The following SRGAP3 variants were observed in gnomAD, a reference collection of about 807,000 sequenced individuals.
SRGAP3 encodes SLIT-ROBO Rho GTPase-activating protein 3.
SRGAP3 carries 39 observed loss-of-function variants against 121.1 expected under a neutral mutation model. The observed-to-expected ratio is 0.32, with a 90% CI of 0.25 to 0.42. The LOEUF (loss-of-function observed/expected upper bound fraction) is 0.42. SRGAP3 is among the 10% of genes least tolerant of loss of function. SRGAP3 has a pLI of 1.00. For synonymous variants in SRGAP3, 601 were observed against 570.0 expected (o/e 1.05, Z -0.77); for missense variants, 1,213 against 1,470.6 (o/e 0.82, Z 2.86).
intron 3 of SRGAP3, among the ~76,000 whole-genome samples, chr3:9,093,436 C>T (rs1947835801): frequency 1.3e-5 from 2 of 152,162 alleles, no homozygotes; most frequent in South Asian, 4.2e-4. Flanking sequence ...TATCCATCAA[C>T]CTACCCATGC....
chr3:9,226,080 T>A (rs1952978694), intron 1 of SRGAP3, among the ~76,000 whole-genome samples: 2 of 152,030 alleles, frequency 1.3e-5, no homozygotes, highest in South Asian at 2.1e-4. Flanking sequence ...TAAAAAAAAA[T>A]TACCAGTAAT....
At chr3:9,015,556 A>G in intron 15 of SRGAP3, 41 bp downstream of exon 15, 1 of 1,612,454 alleles carries the variant, frequency 6.2e-7, no homozygotes, top group Non-Finnish European at 8.5e-7. Context: ...TCCAACAATG[A>G]TTTGTCAAAA....
intron 14 of SRGAP3, among the ~76,000 whole-genome samples, chr3:9,022,678 G>A (rs1943986834): frequency 6.6e-6 from 1 of 152,148 alleles, no homozygotes; most frequent in Non-Finnish European, 1.5e-5. Context: ...GAAAATCCAG[G>A]AAAGGATTTT....
chr3:9,140,382 G>A (rs777213912), intron 1 of SRGAP3, among the ~76,000 whole-genome samples: 35 of 152,130 alleles, frequency 2.3e-4, no homozygotes, highest in Middle Eastern at 3.2e-3. Context: ...AGGATGTAGG[G>A]TTTAGTCCTC....
intron 11 of SRGAP3, chr3:9,037,770 G>C (rs1331737880): frequency 3.8e-6 from 2 of 520,080 alleles, no homozygotes. Context: ...ACTCTGAGTA[G>C]ACAATACTGT....
rs372381347 is a variant in SRGAP3 at position 9,104,727 on chromosome 3, C to A, written c.376G>T (p.Val126Phe). The A allele has an allele frequency of 6.2e-7, 1 of 1,614,190 alleles. No homozygotes were observed. The highest frequency in any genetic ancestry group is 1.6e-4 in the Middle Eastern group (1 of 6,062). Residue 126 changes from valine (V) to phenylalanine (F), a missense_variant, in exon 3 of 22, where the codon GTC (valine) becomes TTC (phenylalanine). This residue lies in a region of SRGAP3 where 793 missense variants were observed against 1,032.9 expected (regional missense o/e 0.77). Coordinates refer to ENST00000383836, the MANE Select transcript of SRGAP3 (RefSeq NM_014850.4). ...TCCTCACTGATCTGGGAGAGGCGGA[C>A]GATGACATTGTTCATGAAGATGTCA... ...LNDIFMNNVI[V>F]RLSQISEDVI...
intron 1 of SRGAP3, among the ~76,000 whole-genome samples, chr3:9,333,137 T>A (rs561854079): frequency 6.6e-6 from 1 of 152,342 alleles, no homozygotes; most frequent in South Asian, 2.1e-4. Context: ...TAGTCTACTT[T>A]TTAAAGCTTG....
intron 10 of SRGAP3, among the ~76,000 whole-genome samples, chr3:9,044,938 T>C (rs926694815): frequency 6.6e-6 from 1 of 152,184 alleles, no homozygotes; most frequent in Non-Finnish European, 1.5e-5. Flanking sequence ...TGTATCTTTA[T>C]CGTGTAGTGG....
chr3:9,130,890 G>A (rs1322243160), intron 1 of SRGAP3, among the ~76,000 whole-genome samples: 1 of 152,212 alleles, frequency 6.6e-6, no homozygotes, highest in Non-Finnish European at 1.5e-5. Flanking sequence ...CAGACGATTT[G>A]GAAAGAGCAG....
intron 1 of SRGAP3, among the ~76,000 whole-genome samples, chr3:9,188,444 T>C (rs956534789): frequency 6.6e-6 from 1 of 152,206 alleles, no homozygotes; most frequent in African/African-American, 2.4e-5. Context: ...CTTTTCATTT[T>C]CTAGATGAGG....
At chr3:9,227,790 C>A (rs1326291368) in intron 1 of SRGAP3, among the ~76,000 whole-genome samples, 1 of 152,230 alleles carries the variant, frequency 6.6e-6, no homozygotes, top group Non-Finnish European at 1.5e-5. Flanking sequence ...CTCCCTCATT[C>A]CCCTCAGGGG....
intron 1 of SRGAP3, among the ~76,000 whole-genome samples, chr3:9,352,420 C>T (rs2030232272): frequency 6.6e-6 from 1 of 151,950 alleles, no homozygotes; most frequent in South Asian, 2.1e-4. Flanking sequence ...ATTACAGGCA[C>T]GCATCACTAC....
In SRGAP3 at chr3:9,027,012, T is replaced by G. The variant is rs763335704; in HGVS notation, c.1540-17A>C. The G allele has an allele frequency of 6.2e-7, 1 of 1,613,530 alleles. No individual in the cohort carries two copies. Among genetic ancestry groups the G allele is most frequent in the African/African-American group, 1.3e-5 (1 of 74,772 alleles). Reference sequence around the variant, plus strand: ...TCCTGAATCCTTGAGAAAAGAAAAATTGTGAGTTTTATGGGGCTTGACAAC... The same window carrying G: ...TCCTGAATCCTTGAGAAAAGAAAAAGTGTGAGTTTTATGGGGCTTGACAAC... On this transcript the variant is annotated splice_polypyrimidine_tract_variant and intron_variant, in intron 12 of 21. Coordinates refer to ENST00000383836, the MANE Select transcript of SRGAP3 (RefSeq NM_014850.4).
chr3:8,999,107 G>A (rs193165122), intron 18 of SRGAP3, among the ~76,000 whole-genome samples: 22 of 152,362 alleles, frequency 1.4e-4, no homozygotes, highest in African/African-American at 5.3e-4. Flanking sequence ...AATTGTACCA[G>A]GTAAAAACCC....
chr3:9,033,845 A>T (rs1277485666), intron 11 of SRGAP3: 1 of 152,266 alleles, frequency 6.6e-6, no homozygotes, highest in East Asian at 1.9e-4. Flanking sequence ...AGGAGAACTG[A>T]CAGAGCTGGA....
intron 3 of SRGAP3, among the ~76,000 whole-genome samples, chr3:9,095,284 A>T (rs1017041393): frequency 3.3e-5 from 5 of 152,034 alleles, no homozygotes; most frequent in African/African-American, 1.2e-4. Context: ...TTATTTTTAT[A>T]TATGAAATTA....
At chr3:9,066,866 A>G (rs1946457588) in intron 4 of SRGAP3, among the ~76,000 whole-genome samples, 2 of 152,232 alleles carry the variant, frequency 1.3e-5, no homozygotes, top group Admixed American at 6.5e-5. Context: ...GCCACTGGCC[A>G]GGAGTCAATG....
chr3:9,031,821 T>C (rs1559959378), intron 12 of SRGAP3, among the ~76,000 whole-genome samples: 1 of 152,326 alleles, frequency 6.6e-6, no homozygotes, highest in East Asian at 1.9e-4. Context: ...CATTAGAAGG[T>C]AGTGGGCTCT....
chr3:9,016,729 G>C (rs1182772755), intron 14 of SRGAP3, among the ~76,000 whole-genome samples: 4 of 152,182 alleles, frequency 2.6e-5, no homozygotes, highest in Non-Finnish European at 5.9e-5. Flanking sequence ...ATCCAGTGAT[G>C]ATTTTTGCCC....
Sources: allele counts gnomAD v4.1 joint callset (sites outside exome capture counted in the v4.1 genomes callset), GRCh38; gene constraint gnomAD v4.1.1; regional missense constraint gnomAD v4.1.1; transcripts MANE v1.5; gene names NCBI Gene and HGNC (gene_info 2026-07-23, HGNC 2026-07-21).